ZNF708: variants seen among roughly 807,000 people sequenced by gnomAD.
The protein encoded by ZNF708 is ZNF15, ZNF15L1.
Under a neutral mutation model 47.0 loss-of-function variants are expected in ZNF708, and 44 were observed. The observed-to-expected ratio is 0.94, with a 90% confidence interval of 0.74 to 1.20. ZNF708 has a LOEUF of 1.20. Ranked by LOEUF, ZNF708 falls within the 50% of genes most tolerant of loss-of-function variation. ZNF708 has a pLI of 0.00. For synonymous variants in ZNF708, 184 were observed against 218.5 expected (o/e 0.84, Z 1.39); for missense variants, 557 against 656.0 (o/e 0.85, Z 1.65).
chr19:21,319,049 T>C (rs1044323476), intron 1 of ZNF708, among the ~76,000 whole-genome samples: 16 of 152,326 alleles, frequency 1.1e-4, no homozygotes, highest in African/African-American at 2.4e-4. Flanking sequence ...TCTATAACCA[T>C]AATTCAGTTT....
intron 3 of ZNF708, among the ~76,000 whole-genome samples, chr19:21,306,301 G>A (rs1972762671): frequency 6.6e-6 from 1 of 151,962 alleles, no homozygotes; most frequent in Admixed American, 6.6e-5. Context: ...TAGAAAATGG[G>A]TGAAAATATT....
At chr19:21,323,632 T>C (rs1199388833) in intron 1 of ZNF708, among the ~76,000 whole-genome samples, 3 of 152,206 alleles carry the variant, frequency 2.0e-5, no homozygotes, top group African/African-American at 7.2e-5. Flanking sequence ...CTTGTTTTAT[T>C]TTCAAAGTCT....
intron 1 of ZNF708, among the ~76,000 whole-genome samples, chr19:21,313,712 C>CATG (rs1283721128): frequency 6.9e-6 from 1 of 144,664 alleles, no homozygotes; most frequent in Non-Finnish European, 1.5e-5. Flanking sequence ...GAGCCAAGAT[C>CATG]ATGCCATTGC....
chr19:21,329,057 T>C (rs1051644349), intron 1 of ZNF708, among the ~76,000 whole-genome samples, 153 bp downstream of exon 1: 11 of 152,168 alleles, frequency 7.2e-5, no homozygotes, highest in Non-Finnish European at 1.0e-4. Flanking sequence ...CGCCATCTTA[T>C]GGCTGAAGGG....
chr19:21,316,421 C>A (rs186383378), intron 1 of ZNF708, among the ~76,000 whole-genome samples: 1 of 151,946 alleles, frequency 6.6e-6, no homozygotes, highest in African/African-American at 2.4e-5. Context: ...CCAGTGGGCC[C>A]GGCAAAGTTT....
intron 1 of ZNF708, chr19:21,318,798 T>C (rs1485690658): frequency 6.6e-6 from 1 of 152,086 alleles, no homozygotes; most frequent in Non-Finnish European, 1.5e-5. Context: ...AGGGCTATTA[T>C]GGTTTTTGGG....
At position 21,293,612 on chromosome 19, in the gene ZNF708, C is replaced by T. The variant is rs770830441; in HGVS notation, c.1354G>A (p.Glu452Lys). 1.2e-6 allele frequency: 2 copies of T among 1,612,494 alleles called. No homozygotes were observed. The highest frequency in any genetic ancestry group is 4.5e-5 in the East Asian group (2 of 44,814). Residue 452 changes from glutamate to lysine, a missense_variant, in exon 4 of 4, where the codon GAA (glutamate) becomes AAA (lysine). By Grantham distance (56) the Glu-to-Lys change is moderately conservative (BLOSUM62 1). Coordinates refer to ENST00000356929, the MANE Select transcript of ZNF708 (RefSeq NM_021269.3). ...HTEDKPYKCE[E>K]CGKTFNYSSN... ...GAGTAGTTAAAAGTTTTGCCACATT[C>T]TTCACATTTGTAGGGTTTGTCTTCA...
At chr19:21,328,974 G>C (rs1329915060) in intron 1 of ZNF708, among the ~76,000 whole-genome samples, 1 of 152,142 alleles carries the variant, frequency 6.6e-6, no homozygotes, top group African/African-American at 2.4e-5. Flanking sequence ...CGCCCAGAGA[G>C]GGCTGCAGGC....
Position 21,293,096 on chromosome 19 carries a change from T to G in ZNF708, c.*178A>C. 1.1e-6 allele frequency: 1 copy of G among 893,408 alleles called. No homozygotes were observed. The highest frequency in any genetic ancestry group is 1.7e-5 in the South Asian group (1 of 60,210). The allele number at this position is 893,408 out of a possible 1,614,324, so 55.3% of individuals were successfully genotyped here. ...TAAGATTTAGGGACCAGTTAAATGC[T>G]TTGCCACATTCTTTACATTTGTAGG... On this transcript the variant is annotated 3_prime_UTR_variant, in exon 4 of 4. Transcript: ENST00000356929.
chr19:21,304,944 T>C (rs1404069043), intron 3 of ZNF708, among the ~76,000 whole-genome samples: 1 of 151,822 alleles, frequency 6.6e-6, no homozygotes, highest in Non-Finnish European at 1.5e-5. Context: ...TGAAAGAAAC[T>C]AGGCATTAAA....
chr19:21,327,036 G>A (rs1471188654), intron 1 of ZNF708, among the ~76,000 whole-genome samples: 29 of 151,942 alleles, frequency 1.9e-4, no homozygotes. Flanking sequence ...AAACTTAAAT[G>A]AGAATTTCTC....
intron 1 of ZNF708, among the ~76,000 whole-genome samples, chr19:21,322,492 G>C (rs145590028): frequency 6.6e-6 from 1 of 152,052 alleles, no homozygotes; most frequent in East Asian, 1.9e-4. Context: ...TAGTAGGGAC[G>C]GGGTTTTGCC....
chr19:21,303,693 C>G (rs1972703276), intron 3 of ZNF708, among the ~76,000 whole-genome samples: 1 of 151,792 alleles, frequency 6.6e-6, no homozygotes, highest in Non-Finnish European at 1.5e-5. Flanking sequence ...ATTGAATAGA[C>G]TGAAAGTAAC....
chr19:21,329,334 A>G lies in ZNF708; in HGVS notation c.-122T>C. The G allele has an allele frequency of 6.8e-7, 1 of 1,474,468 alleles. No homozygotes were observed. 91.3% of individuals were successfully genotyped at this position (1,474,468 alleles called of 1,614,324 possible). ...CAAACAGCAGTGAAGACGAGACCGG[A>G]GCTCCGGCTGCAGCAAGAGACAAAG... On this transcript the variant is annotated 5_prime_UTR_variant, in exon 1 of 4. Transcript: ENST00000356929.
chr19:21,311,715 T>C (rs1338388696), intron 1 of ZNF708, among the ~76,000 whole-genome samples: 1 of 152,060 alleles, frequency 6.6e-6, no homozygotes, highest in African/African-American at 2.4e-5. Context: ...CCCATTTCTG[T>C]CCTTAATAAC....
At chr19:21,325,933 A>G (rs1052496663) in intron 1 of ZNF708, among the ~76,000 whole-genome samples, 12 of 152,238 alleles carry the variant, frequency 7.9e-5, no homozygotes, top group Non-Finnish European at 1.5e-4. Flanking sequence ...AAAAGAAGGT[A>G]TACAAATGGC....
chr19:21,325,995 A>G (rs1339528790), intron 1 of ZNF708, among the ~76,000 whole-genome samples: 1 of 152,332 alleles, frequency 6.6e-6, no homozygotes, highest in East Asian at 1.9e-4. Context: ...GGGAAATGCA[A>G]ATCAAAACCA....
intron 1 of ZNF708, among the ~76,000 whole-genome samples, chr19:21,316,171 T>C (rs927393274): frequency 1.3e-5 from 2 of 148,614 alleles, no homozygotes; most frequent in Non-Finnish European, 3.0e-5. Flanking sequence ...TTCGCTCTTG[T>C]TGCCCCTGCT....
At position 21,329,206 on chromosome 19, in the gene ZNF708, T is replaced by C. The variant is rs1973325881; in HGVS notation, c.3+4A>G. ...TCTCTCGGGATGTCGGACGGCACTCTCACCATTTCTAGGCTTCCAGAGGGT... is the reference window on the plus strand; with the variant it reads ...TCTCTCGGGATGTCGGACGGCACTCCCACCATTTCTAGGCTTCCAGAGGGT... On this transcript the variant is annotated splice_donor_region_variant and intron_variant, in intron 1 of 3. Coordinates refer to ENST00000356929, the MANE Select transcript of ZNF708 (RefSeq NM_021269.3). The C allele has an allele frequency of 1.2e-6, 2 of 1,612,048 alleles. No individual in the cohort carries two copies. The highest frequency in any genetic ancestry group is 1.3e-5 in the African/African-American group (1 of 74,864).
Sources: gnomAD v4.1 joint callset for allele counts (sites outside exome capture counted in the v4.1 genomes callset) on GRCh38, gnomAD v4.1.1 for gene constraint, MANE v1.5 for transcripts, NCBI Gene and HGNC (gene_info 2026-07-23, HGNC 2026-07-21) for gene names.